The following POT1 variants were observed in gnomAD, a reference collection of about 807,000 sequenced individuals.
POT1 encodes the protein protection of telomeres 1.
In POT1, 47 loss-of-function variants were observed where a neutral mutation model predicts 78.5. That is an observed-to-expected ratio of 0.60 (90% CI 0.47 to 0.76). POT1 has a LOEUF of 0.76. Among genes scored for constraint, POT1 ranks in the 30% least tolerant of loss-of-function variants. POT1 has a pLI of 0.00. For synonymous variants in POT1, 259 were observed against 260.7 expected, an observed-to-expected ratio of 0.99 and a Z score of 0.06; for missense variants, 646 against 749.9, an observed-to-expected ratio of 0.86 and a Z score of 1.62.
At position 124,825,183 on chromosome 7, in the gene POT1, C is replaced by G; in HGVS notation, c.1792+69G>C. 3 of 954,936 alleles carry G rather than the reference C, an allele frequency of 3.1e-6. No homozygotes were observed. The South Asian group carries it at 5.4e-5, about 17-fold the overall frequency. 59.2% of individuals were successfully genotyped at this position (954,936 alleles called of 1,614,324 possible). A position where few individuals can be genotyped will look rare whatever the true frequency, so the allele number is the denominator to read the frequency against. ...AAGCTTTCAGACTTCTAAAAGTCCA[C>G]AGAGTACATATATGTTAGTGCTATC... On this transcript the variant is annotated intron_variant, in intron 18 of 18. Coordinates refer to ENST00000357628, the MANE Select transcript of POT1 (RefSeq NM_015450.3).
intron 6 of POT1, among the ~76,000 whole-genome samples, chr7:124,885,197 G>A (rs1026991070): frequency 1.2e-4 from 17 of 147,824 alleles, no homozygotes; most frequent in Admixed American, 4.9e-4. Context: ...GGTTCACACC[G>A]GTAATCCCAG....
rs756198077 is a variant in POT1 at position 124,842,883 on chromosome 7, G to A, written c.1087C>T (p.Arg363Ter). 46 of 1,610,674 alleles carry A rather than the reference G, an allele frequency of 2.9e-5. No individual in the cohort carries two copies. The highest frequency in any genetic ancestry group is 3.3e-5 in the South Asian group (3 of 90,406). ...GGCTTATATGACCTCAATTTTGCTC[G>A]GATGCGGTATTGTTGAGGAGCTTTT... is the stretch of plus-strand genomic sequence containing the variant. ...KQKAPQQYRIRAKLRSYKPRR... is the reference protein window; with the variant it reads ...KQKAPQQYRI Residue 363 changes from arginine to a stop codon, truncating the protein, a stop_gained, in exon 13 of 19, where the codon CGA (arginine) becomes TGA (stop). Coordinates refer to ENST00000357628, the MANE Select transcript of POT1 (RefSeq NM_015450.3). LOFTEE classifies it high-confidence loss of function.
In POT1 at chr7:124,923,886, T is replaced by G. The variant is rs182530401; in HGVS notation, c.-227+4929A>C. On this transcript the variant is annotated intron_variant, in intron 2 of 18. Transcript: ENST00000357628. ...AAGAGAAAGAATAACATTTTCCAAG[T>G]GCTCAAACAAACAAACAAACAAACA... Among the ~76,000 whole-genome samples, 3 of 150,496 alleles carry G rather than the reference T, an allele frequency of 2.0e-5. No individual in the cohort carries two copies. In the East Asian group the frequency reaches 5.8e-4, roughly 29 times the overall value.
At chr7:124,878,964 GA>G (rs1358569539) in intron 6 of POT1, among the ~76,000 whole-genome samples, 1 of 151,460 alleles carries the variant, frequency 6.6e-6, no homozygotes, top group Non-Finnish European at 1.5e-5. Flanking sequence ...AATAAGAAAT[GA>G]AAGACAAATA....
At chr7:124,842,585 AC>A (rs1795053742) in intron 13 of POT1, among the ~76,000 whole-genome samples, 1 of 152,042 alleles carries the variant, frequency 6.6e-6, no homozygotes, top group African/African-American at 2.4e-5. Context: ...TATCAGAGTG[AC>A]TAAGCTGAAT....
chr7:124,926,168 G>A (rs965410929), intron 2 of POT1, among the ~76,000 whole-genome samples: 10 of 151,898 alleles, frequency 6.6e-5, no homozygotes, highest in African/African-American at 2.2e-4. Context: ...AACAATCTCA[G>A]GAATGAGAGA....
At chr7:124,896,107 T>A (rs1324344445) in intron 5 of POT1, among the ~76,000 whole-genome samples, 1 of 151,510 alleles carries the variant, frequency 6.6e-6, no homozygotes, top group Non-Finnish European at 1.5e-5. Context: ...AACAAGAAAC[T>A]CAAAAACAGT....
intron 3 of POT1, among the ~76,000 whole-genome samples, chr7:124,913,427 GTCTTT>G (rs1395990401): frequency 2.0e-5 from 3 of 151,996 alleles, no homozygotes; most frequent in Non-Finnish European, 4.4e-5. Flanking sequence ...TCTATACACT[GTCTTT>G]TCATGTTCAT....
chr7:124,852,910 A>G, intron 10 of POT1, 62 bp downstream of exon 10: 1 of 1,458,770 alleles, frequency 6.9e-7, no homozygotes, highest in South Asian at 1.3e-5. Flanking sequence ...CAGGAACAAT[A>G]TTATCTTAGA....
At chr7:124,899,785 T>C (rs1307782230) in intron 3 of POT1, among the ~76,000 whole-genome samples, 1 of 152,276 alleles carries the variant, frequency 6.6e-6, no homozygotes, top group East Asian at 1.9e-4. Flanking sequence ...CACTTAAAAA[T>C]GTTTTCAAAA....
intron 6 of POT1, among the ~76,000 whole-genome samples, chr7:124,873,805 C>T (rs1795926311): frequency 6.6e-6 from 1 of 152,036 alleles, no homozygotes. Context: ...AACCCCAAAA[C>T]AGTGAAGGAA....
At chr7:124,848,956 T>C (rs11972248) in intron 11 of POT1, among the ~76,000 whole-genome samples, 23,640 of 152,156 alleles carry the variant, frequency 0.16, 2,058 homozygotes, top group Non-Finnish European at 0.2. Context: ...AGTCATAGCA[T>C]TAAGGTTACA....
intron 15 of POT1, among the ~76,000 whole-genome samples, chr7:124,832,252 C>CAAA (rs372881075): frequency 5.8e-4 from 44 of 75,332 alleles, no homozygotes; most frequent in African/African-American, 1.1e-3. Flanking sequence ...ACACTGTCTC[C>CAAA]AAAAAAAAAA....
At chr7:124,890,656 C>T (rs953665639) in intron 6 of POT1, among the ~76,000 whole-genome samples, 7 of 151,778 alleles carry the variant, frequency 4.6e-5, no homozygotes, top group Non-Finnish European at 1.0e-4. Flanking sequence ...ACCAGCAAAA[C>T]GATGATAACT....
rs768610116 is a variant in POT1, at chr7:124,827,288, G to C, written c.1612C>G (p.Leu538Val). 1.3e-5 allele frequency: 20 copies of C among 1,590,840 alleles called. No homozygotes were observed. In the South Asian group the frequency reaches 1.5e-4, roughly 12 times the overall value. Residue 538 changes from leucine to valine, a missense_variant, in exon 17 of 19, where the codon CTC becomes GTC. This residue lies in a region of POT1 where 394 missense variants were observed against 408.4 expected (regional missense o/e 0.96). Transcript: ENST00000357628. ...AAGGTCATAACAAACACATATTGGA[G>C]GGGTACAATACCCAGTGCTAGTGAA... ...SVAEALGIVP[L>V]QYVFVMTFTL...
rs74440803 is a variant in POT1, at chr7:124,863,058, T to C, written c.546+292A>G. The stretch of plus-strand genomic sequence containing the variant: ...TATAGGACTACAAACTATGAAATAA[T>C]AGAAAACAAGTCTACATCTTATTAC... On this transcript the variant is annotated intron_variant, in intron 8 of 18. Coordinates refer to ENST00000357628, the MANE Select transcript of POT1 (RefSeq NM_015450.3). Among the ~76,000 whole-genome samples, 2,595 of 152,126 alleles carry C rather than the reference T, an allele frequency of 0.017. 72 individuals carry two copies. Among genetic ancestry groups the C allele is most frequent in the African/African-American group, 0.059 (2,447 of 41,510 alleles).
chr7:124,858,880 T>C (rs1305532827), intron 9 of POT1, 77 bp downstream of exon 9: 9 of 1,052,084 alleles, frequency 8.6e-6, no homozygotes, highest in South Asian at 1.9e-5. Flanking sequence ...TGTAACCATA[T>C]ATAAAAAATT....
chr7:124,867,634 T>TTTTA (rs34457483), intron 7 of POT1, among the ~76,000 whole-genome samples: 2,184 of 151,916 alleles, frequency 0.014, 56 homozygotes, highest in African/African-American at 0.047. Context: ...GCTTTATTAT[T>TTTTA]TTTATTTATT....
chr7:124,917,858 G>C (rs983622132), intron 2 of POT1, among the ~76,000 whole-genome samples: 1 of 152,130 alleles, frequency 6.6e-6, no homozygotes, highest in Non-Finnish European at 1.5e-5. Context: ...TAGCACCTGC[G>C]AAAGGGCCCT....
Sources: allele counts gnomAD v4.1 joint callset (sites outside exome capture counted in the v4.1 genomes callset), GRCh38; gene constraint gnomAD v4.1.1; regional missense constraint gnomAD v4.1.1; transcripts MANE v1.5; gene names NCBI Gene and HGNC (gene_info 2026-07-23, HGNC 2026-07-21).